The following LEKR1 variants were observed in gnomAD, a reference collection of about 807,000 sequenced individuals.
The protein encoded by LEKR1 is leucine, glutamate and lysine rich 1.
LEKR1 carries 59 observed loss-of-function variants against 72.4 expected under a neutral mutation model. The observed-to-expected ratio is 0.82, with a 90% CI of 0.66 to 1.01. LEKR1 has a LOEUF of 1.01. Ranked by LOEUF, LEKR1 falls within the 50% of genes least tolerant of loss-of-function variation. LEKR1 has a pLI of 0.00. For synonymous variants in LEKR1, 257 were observed against 263.2 expected (o/e 0.98, Z 0.23); for missense variants, 728 against 759.2 (o/e 0.96, Z 0.48).
At chr3:156,887,850 C>T (rs1485117755) in intron 3 of LEKR1, among the ~76,000 whole-genome samples, 1 of 152,054 alleles carries the variant, frequency 6.6e-6, no homozygotes, top group East Asian at 1.9e-4. Flanking sequence ...ATTCTTTTTT[C>T]CAGATGGTAT....
chr3:157,041,436 A>G (rs1735333079), intron 12 of LEKR1, among the ~76,000 whole-genome samples: 1 of 152,146 alleles, frequency 6.6e-6, no homozygotes. Context: ...ATGACTCCAT[A>G]TGAGCCTCAG....
chr3:156,990,154 C>T (rs537575298), intron 7 of LEKR1, among the ~76,000 whole-genome samples: 2 of 152,180 alleles, frequency 1.3e-5, no homozygotes, highest in South Asian at 2.1e-4. Flanking sequence ...TGCAGAACCC[C>T]TCACACTTTT....
Position 157,025,962 on chromosome 3 carries a change from T to A in LEKR1, c.1368+1038T>A, listed in dbSNP as rs1734155485. On this transcript the variant is annotated intron_variant, in intron 11 of 12. Transcript: ENST00000356539. ...CTACTTGGGAGGCTGATACAAGAGGTTCACTTGAACCCAGGAGTTCAAAGC... is the reference window on the plus strand; with the variant it reads ...CTACTTGGGAGGCTGATACAAGAGGATCACTTGAACCCAGGAGTTCAAAGC... 2.0e-5 allele frequency among the ~76,000 whole-genome samples: 3 copies of A among 151,828 alleles called. No homozygotes were observed. In the South Asian group the frequency reaches 6.3e-4, roughly 32 times the overall value.
chr3:156,940,110 A>T (rs1055458466), intron 5 of LEKR1, among the ~76,000 whole-genome samples: 1 of 152,124 alleles, frequency 6.6e-6, no homozygotes, highest in Non-Finnish European at 1.5e-5. Flanking sequence ...AACGATTTAG[A>T]AGCTTTGCTC....
At chr3:157,008,861 G>C (rs1732670713) in intron 9 of LEKR1, among the ~76,000 whole-genome samples, 1 of 152,048 alleles carries the variant, frequency 6.6e-6, no homozygotes, top group East Asian at 1.9e-4. Flanking sequence ...TGTAGCTGAG[G>C]ATTATTCATT....
chr3:157,013,866 C>T (rs1225358047), intron 10 of LEKR1, among the ~76,000 whole-genome samples: 1 of 152,008 alleles, frequency 6.6e-6, no homozygotes, highest in African/African-American at 2.4e-5. Context: ...TTAAAATAAA[C>T]TTCATAGCTT....
At chr3:156,886,147 A>AG (rs1720042359) in intron 3 of LEKR1, among the ~76,000 whole-genome samples, 2 of 151,610 alleles carry the variant, frequency 1.3e-5, no homozygotes, top group South Asian at 2.1e-4. Flanking sequence ...ACTGTGGGGG[A>AG]GGGGGGTTCT....
intron 2 of LEKR1, among the ~76,000 whole-genome samples, chr3:156,833,386 CTG>C (rs1358688738): frequency 6.6e-6 from 1 of 152,146 alleles, no homozygotes; most frequent in Non-Finnish European, 1.5e-5. Flanking sequence ...GTAAAAATAA[CTG>C]TGGATGACAA....
At position 156,947,007 on chromosome 3, in the gene LEKR1, C is replaced by CT. The variant is rs372747684; in HGVS notation, c.745+4302dup. On this transcript the variant is annotated intron_variant, in intron 6 of 12. Transcript: ENST00000356539. ...CTGATTGTATTTATCTGGGTCTTCT[C>CT]TTTTTTTTTCTTTATTAGTTGGGTT... 3.3e-5 allele frequency among the ~76,000 whole-genome samples: 5 copies of CT among 149,874 alleles called. No individual in the cohort carries two copies. The South Asian group carries it at 6.3e-4, about 19-fold the overall frequency.
intron 2 of LEKR1, among the ~76,000 whole-genome samples, chr3:156,837,354 C>A (rs1166239835): frequency 6.6e-6 from 1 of 152,218 alleles, no homozygotes; most frequent in Non-Finnish European, 1.5e-5. Flanking sequence ...ATCTCAGACA[C>A]CCGGTCCTCT....
intron 12 of LEKR1, among the ~76,000 whole-genome samples, chr3:157,038,181 T>A (rs1035347390): frequency 1.3e-5 from 2 of 152,126 alleles, no homozygotes; most frequent in African/African-American, 4.8e-5. Context: ...AGGTGACCAA[T>A]CACCAGATTT....
intron 7 of LEKR1, among the ~76,000 whole-genome samples, chr3:156,987,410 G>A (rs1437799162): frequency 6.6e-6 from 1 of 152,138 alleles, no homozygotes; most frequent in African/African-American, 2.4e-5. Flanking sequence ...ACTAAAAGGA[G>A]TTCTTCTGTT....
At chr3:156,851,421 G>A (rs546580271) in intron 2 of LEKR1, among the ~76,000 whole-genome samples, 2 of 152,238 alleles carry the variant, frequency 1.3e-5, no homozygotes, top group Non-Finnish European at 2.9e-5. Context: ...TTAAAAAGTA[G>A]TTTCCCATCA....
chr3:157,021,447 A>G (rs937027307), intron 10 of LEKR1, among the ~76,000 whole-genome samples: 2 of 152,004 alleles, frequency 1.3e-5, no homozygotes, highest in Admixed American at 6.6e-5. Flanking sequence ...ATCTTGAATT[A>G]ATTTTTGTAT....
chr3:156,904,978 G>T (rs571815615), intron 3 of LEKR1, among the ~76,000 whole-genome samples: 21 of 152,106 alleles, frequency 1.4e-4, no homozygotes, highest in African/African-American at 4.8e-4. Context: ...AGACCAAATA[G>T]AGCTCAAATT....
At chr3:156,945,825 C>T (rs1433214481) in intron 6 of LEKR1, among the ~76,000 whole-genome samples, 1 of 151,682 alleles carries the variant, frequency 6.6e-6, no homozygotes, top group Non-Finnish European at 1.5e-5. Flanking sequence ...GTTTTTATGT[C>T]AGCACCCAGT....
chr3:156,976,603 A>G (rs2107996692), intron 6 of LEKR1, among the ~76,000 whole-genome samples: 1 of 152,302 alleles, frequency 6.6e-6, no homozygotes, highest in Non-Finnish European at 1.5e-5. Context: ...TTCATTGTTA[A>G]GTAATTCTTT....
chr3:156,899,750 A>T (rs1367221244), intron 3 of LEKR1, among the ~76,000 whole-genome samples: 2 of 136,292 alleles, frequency 1.5e-5, no homozygotes, highest in Non-Finnish European at 3.2e-5. Context: ...ATACATGCAT[A>T]TATACACATA....
At chr3:156,910,949 C>T (rs1723048446) in intron 3 of LEKR1, among the ~76,000 whole-genome samples, 1 of 152,130 alleles carries the variant, frequency 6.6e-6, no homozygotes, top group African/African-American at 2.4e-5. Context: ...TTTACATTCC[C>T]ACCAACAATG....
Sources: gnomAD v4.1 joint callset for allele counts (sites outside exome capture counted in the v4.1 genomes callset) on GRCh38, gnomAD v4.1.1 for gene constraint, MANE v1.5 for transcripts, NCBI Gene and HGNC (gene_info 2026-07-23, HGNC 2026-07-21) for gene names.